ASZ1: variants seen among roughly 807,000 people sequenced by gnomAD.
ASZ1 encodes ankyrin repeat, SAM and basic leucine zipper domain containing 1.
A neutral mutation model predicts 61.8 loss-of-function variants in ASZ1; 67 were observed. The observed-to-expected ratio is 1.08, with a 90% CI of 0.89 to 1.33. ASZ1 has a LOEUF of 1.33. Among genes scored for constraint, ASZ1 ranks in the 40% most tolerant of loss-of-function variants. The pLI is 0.00. For missense variants in ASZ1, 577 were observed against 554.5 expected (o/e 1.04, Z -0.41); for synonymous variants, 193 against 192.7 (o/e 1.00, Z -0.01).
At chr7:117,409,843 C>T (rs916743985) in intron 4 of ASZ1, among the ~76,000 whole-genome samples, 3 of 151,726 alleles carry the variant, frequency 2.0e-5, no homozygotes, top group Non-Finnish European at 3.0e-5. Flanking sequence ...TGTTCTCTCT[C>T]ACCTAGAAAA....
rs71564595 is a variant in ASZ1 at position 117,421,595 on chromosome 7, C to T, written c.328+642G>A. Among the ~76,000 whole-genome samples the T allele has an allele frequency of 5.6e-3, 842 of 151,680 alleles. 13 individuals carry two copies. The highest frequency in any genetic ancestry group is 0.014 in the Middle Eastern group (4 of 294). On this transcript the variant is annotated intron_variant, in intron 3 of 12. Coordinates refer to ENST00000284629, the MANE Select transcript of ASZ1 (RefSeq NM_130768.3). Reference sequence around the variant, plus strand: ...ATTAAACATGAAACTGTTGCTAAGACAGAAATTTATGTAAAATATATAAAT... The same window carrying T: ...ATTAAACATGAAACTGTTGCTAAGATAGAAATTTATGTAAAATATATAAAT...
At chr7:117,386,768 T>C (rs1452224402) in intron 4 of ASZ1, among the ~76,000 whole-genome samples, 1 of 152,224 alleles carries the variant, frequency 6.6e-6, no homozygotes, top group African/African-American at 2.4e-5. Context: ...CATAAGGTTA[T>C]ACCCTGAAAT....
At chr7:117,427,200 T>G (rs778672607) in intron 1 of ASZ1, among the ~76,000 whole-genome samples, 156 bp downstream of exon 1, 1 of 152,106 alleles carries the variant, frequency 6.6e-6, no homozygotes, top group Non-Finnish European at 1.5e-5. Flanking sequence ...ACGAGGAAAT[T>G]TGTGCGGGTT....
Position 117,363,602 on chromosome 7 carries a change from C to T in ASZ1, c.1422G>A (p.Arg474=). The part of the protein sequence containing the change: ...LLFICKLTFQ[R]K ...CTTAAAACAAATATTTGGATTATTT[C>T]CTCTGGAAAGTTAGCTTGCAAATGA... Residue 474 remains arginine (R), a synonymous_variant, in exon 13 of 13, where the codon AGG becomes AGA. Transcript: ENST00000284629. 2.5e-6 allele frequency: 4 copies of T among 1,593,526 alleles called. No homozygotes were observed. Among genetic ancestry groups the T allele is most frequent in the Non-Finnish European group, 3.4e-6 (4 of 1,172,098 alleles).
chr7:117,426,585 T>C (rs74427872), intron 2 of ASZ1, among the ~76,000 whole-genome samples: 3,168 of 148,712 alleles, frequency 0.021, 112 homozygotes, highest in African/African-American at 0.075. Flanking sequence ...CAGAGTGGGA[T>C]AGGATTAGAG....
chr7:117,383,196 A>C, intron 6 of ASZ1, 86 bp from the exon 7 acceptor site: 1,215 of 1,300,554 alleles, frequency 9.3e-4, no homozygotes, highest in Non-Finnish European at 1.1e-3. Flanking sequence ...CGATTATCTC[A>C]TATCCAGAAA....
chr7:117,383,652 A>C (rs1421069833), intron 6 of ASZ1, among the ~76,000 whole-genome samples: 1 of 152,072 alleles, frequency 6.6e-6, no homozygotes, highest in Non-Finnish European at 1.5e-5. Flanking sequence ...CTAACCTCTC[A>C]GGAAGTCAAG....
intron 12 of ASZ1, 115 bp from the exon 13 acceptor site, chr7:117,363,863 T>C: frequency 1.2e-6 from 1 of 844,720 alleles, no homozygotes; most frequent in East Asian, 3.2e-5. Context: ...TTGATTTAGA[T>C]GTAGGCAACT....
chr7:117,368,831 T>A, intron 10 of ASZ1, 114 bp from the exon 11 acceptor site: 1 of 1,536,058 alleles, frequency 6.5e-7, no homozygotes, highest in Non-Finnish European at 8.7e-7. Context: ...TCCAAAAGAA[T>A]TCATGGAATA....
intron 4 of ASZ1, among the ~76,000 whole-genome samples, chr7:117,404,050 C>T (rs879686270): frequency 5.5e-4 from 83 of 152,198 alleles, no homozygotes; most frequent in African/African-American, 2.0e-3. Flanking sequence ...TTCCACAAAA[C>T]TGGTCCCTGG....
intron 4 of ASZ1, among the ~76,000 whole-genome samples, chr7:117,417,191 A>G (rs759049426): frequency 1.3e-5 from 2 of 152,148 alleles, no homozygotes; most frequent in Non-Finnish European, 2.9e-5. Flanking sequence ...ATTAGTTAAA[A>G]AAAAAAAGTT....
intron 9 of ASZ1, among the ~76,000 whole-genome samples, chr7:117,380,783 A>AAAAAAC (rs147516910): frequency 0.54 from 80,568 of 150,504 alleles, 24,242 homozygotes; most frequent in African/African-American, 0.83. Flanking sequence ...GACAATCTGA[A>AAAAAAC]AAAAACAAAA....
In ASZ1 at chr7:117,383,114, A is replaced by G. The variant is rs780753832; in HGVS notation, c.688-4T>C. 1.3e-6 allele frequency: 2 copies of G among 1,544,318 alleles called. No individual in the cohort carries two copies. Among genetic ancestry groups the G allele is most frequent in the Admixed American group, 4.2e-5 (2 of 47,516 alleles). ...TAAAAGAAAGTAAGTTGAAGATCTG[A>G]AAAAAGTTAACATCATTCAAATATA... is the stretch of plus-strand genomic sequence containing the variant. On this transcript the variant is annotated splice_region_variant and splice_polypyrimidine_tract_variant and intron_variant, in intron 6 of 12. Transcript: ENST00000284629.
intron 12 of ASZ1, among the ~76,000 whole-genome samples, chr7:117,364,079 A>G (rs925127813): frequency 5.9e-5 from 9 of 152,238 alleles, no homozygotes; most frequent in African/African-American, 1.9e-4. Context: ...ATGACAATTG[A>G]TATTGATTTG....
At chr7:117,392,359 T>C (rs936811071) in intron 4 of ASZ1, among the ~76,000 whole-genome samples, 1 of 152,250 alleles carries the variant, frequency 6.6e-6, no homozygotes, top group Non-Finnish European at 1.5e-5. Context: ...AAATCCTTTT[T>C]TTCAGCAGTG....
chr7:117,399,343 C>T (rs1796634896), intron 4 of ASZ1, among the ~76,000 whole-genome samples: 1 of 152,168 alleles, frequency 6.6e-6, no homozygotes, highest in African/African-American at 2.4e-5. Flanking sequence ...AGGAAGGTTT[C>T]ACTTGTCATC....
At chr7:117,395,871 T>A (rs2116492396) in intron 4 of ASZ1, among the ~76,000 whole-genome samples, 1 of 152,334 alleles carries the variant, frequency 6.6e-6, no homozygotes, top group East Asian at 1.9e-4. Flanking sequence ...GTAAATATTT[T>A]GGGCTTTGTG....
chr7:117,377,514 C>T (rs577404723), intron 10 of ASZ1, among the ~76,000 whole-genome samples: 3 of 151,908 alleles, frequency 2.0e-5, no homozygotes, highest in Admixed American at 6.6e-5. Flanking sequence ...GGTGACAGGG[C>T]GAGACCTGGT....
intron 4 of ASZ1, among the ~76,000 whole-genome samples, chr7:117,410,709 G>T (rs951519880): frequency 6.6e-5 from 10 of 150,924 alleles, no homozygotes; most frequent in African/African-American, 2.4e-4. Context: ...TTCAGGACAG[G>T]GTATGGAAAG....
Sources: allele counts gnomAD v4.1 joint callset (sites outside exome capture counted in the v4.1 genomes callset), GRCh38; gene constraint gnomAD v4.1.1; transcripts MANE v1.5; gene names NCBI Gene and HGNC (gene_info 2026-07-23, HGNC 2026-07-21).